SATB2: variants seen among roughly 807,000 people sequenced by gnomAD.
SATB2 encodes the protein DNA-binding protein SATB2.
A neutral mutation model predicts 73.4 loss-of-function variants in SATB2; 1 was observed. The observed-to-expected ratio is 0.01, with a 90% confidence interval of 0.00 to 0.06. The LOEUF (loss-of-function observed/expected upper bound fraction) is 0.06, where lower values mean the gene tolerates loss of function less well. Ranked by LOEUF, SATB2 falls within the 10% of genes least tolerant of loss-of-function variation. The pLI is 1.00. For missense variants in SATB2, 459 were observed against 945.8 expected (o/e 0.49, Z 6.75); for synonymous variants, 397 against 367.0 (o/e 1.08, Z -0.93).
In SATB2 at chr2:199,413,588, T is replaced by C. The variant is rs565707976; in HGVS notation, c.346+19750A>G. Reference sequence around the variant, plus strand: ...CCTACTAGAGAGTCGCTTTTTTTTTTTTTTTTCTGAGCAGCATTGTGTCAA... The same window carrying C: ...CCTACTAGAGAGTCGCTTTTTTTTTCTTTTTTCTGAGCAGCATTGTGTCAA... On this transcript the variant is annotated intron_variant, in intron 3 of 10. Transcript: ENST00000417098. Among the ~76,000 whole-genome samples, 6 of 152,134 alleles carry C rather than the reference T, an allele frequency of 3.9e-5. No homozygotes were observed. In the South Asian group the frequency reaches 1.0e-3, roughly 26 times the overall value.
intron 3 of SATB2, among the ~76,000 whole-genome samples, chr2:199,429,209 G>C (rs1327925498): frequency 6.6e-6 from 1 of 151,846 alleles, no homozygotes; most frequent in African/African-American, 2.4e-5. Flanking sequence ...ATCAAAATTG[G>C]GGAATAAGAC....
chr2:199,326,510 A>G (rs577043580), intron 8 of SATB2, among the ~76,000 whole-genome samples: 1 of 152,198 alleles, frequency 6.6e-6, no homozygotes, highest in South Asian at 2.1e-4. Flanking sequence ...AAAGGTGCCT[A>G]CGATATATAA....
At chr2:199,290,912 T>C (rs1294354455) in intron 10 of SATB2, among the ~76,000 whole-genome samples, 1 of 152,140 alleles carries the variant, frequency 6.6e-6, no homozygotes, top group Non-Finnish European at 1.5e-5. Context: ...AGAATCCATA[T>C]AAGACAAACA....
upstream of SATB2, among the ~76,000 whole-genome samples, chr2:199,467,262 A>G (rs907771296): frequency 7.2e-5 from 11 of 152,246 alleles, no homozygotes; most frequent in African/African-American, 2.7e-4. Flanking sequence ...TTCGGCTTTC[A>G]GGCTGCTGGA....
chr2:199,287,587 G>T (rs1169579780), intron 10 of SATB2, among the ~76,000 whole-genome samples: 1 of 150,596 alleles, frequency 6.6e-6, no homozygotes, highest in African/African-American at 2.4e-5. Flanking sequence ...GGGGTGTGGT[G>T]GGGGGGGAGA....
intron 3 of SATB2, among the ~76,000 whole-genome samples, chr2:199,419,780 A>G (rs1362834496): frequency 2.6e-5 from 4 of 152,234 alleles, no homozygotes; most frequent in Admixed American, 2.0e-4. Context: ...ATGCAATTAT[A>G]TATGAAATTA....
intron 3 of SATB2, among the ~76,000 whole-genome samples, chr2:199,419,008 T>C (rs1474149884): frequency 6.6e-6 from 1 of 152,212 alleles, no homozygotes; most frequent in Non-Finnish European, 1.5e-5. Flanking sequence ...ACAGTGCCAC[T>C]GGTAATCGAC....
At chr2:199,362,567 G>A (rs934938280) in intron 6 of SATB2, among the ~76,000 whole-genome samples, 1 of 151,996 alleles carries the variant, frequency 6.6e-6, no homozygotes, top group Admixed American at 6.6e-5. Flanking sequence ...ATTAATTATG[G>A]CCTGTAGCAG....
At chr2:199,380,203 A>G (rs1209851708) in intron 5 of SATB2, among the ~76,000 whole-genome samples, 161 bp downstream of exon 5, 1 of 152,216 alleles carries the variant, frequency 6.6e-6, no homozygotes, top group South Asian at 2.1e-4. Context: ...TATAACTTCT[A>G]TTCTACAACC....
intron 3 of SATB2, among the ~76,000 whole-genome samples, chr2:199,407,173 A>G (rs1244871603): frequency 6.6e-6 from 1 of 151,078 alleles, no homozygotes; most frequent in African/African-American, 2.4e-5. Context: ...ATACAAAAAA[A>G]TTATCAGGAG....
chr2:199,369,079 C>G (rs1465368320), intron 5 of SATB2: 1 of 197,544 alleles, frequency 5.1e-6, no homozygotes, highest in East Asian at 1.4e-4. Flanking sequence ...CCGCTTCCAA[C>G]TGCAACAAGC....
At chr2:199,432,803 T>C (rs894702519) in intron 3 of SATB2, among the ~76,000 whole-genome samples, 5 of 152,184 alleles carry the variant, frequency 3.3e-5, no homozygotes, top group African/African-American at 1.2e-4. Flanking sequence ...TTTTAATATT[T>C]AATCAAATAA....
intron 6 of SATB2, among the ~76,000 whole-genome samples, chr2:199,364,578 G>A (rs1260356023): frequency 2.0e-5 from 3 of 152,110 alleles, no homozygotes; most frequent in Non-Finnish European, 4.4e-5. Context: ...AAGTGATGGG[G>A]ATAATTTTGC....
chr2:199,421,324 G>GAAAC (rs1465022864), intron 3 of SATB2, among the ~76,000 whole-genome samples: 2 of 152,090 alleles, frequency 1.3e-5, no homozygotes, highest in African/African-American at 4.8e-5. Context: ...AGGTCCCATA[G>GAAAC]AAACAAACAA....
At chr2:199,417,353 G>A (rs906316127) in intron 3 of SATB2, among the ~76,000 whole-genome samples, 12 of 152,102 alleles carry the variant, frequency 7.9e-5, no homozygotes, top group Admixed American at 3.9e-4. Flanking sequence ...ATCCCCAGAG[G>A]AAATCATTTA....
intron 9 of SATB2, among the ~76,000 whole-genome samples, chr2:199,317,011 T>C (rs1321845495): frequency 6.6e-6 from 1 of 151,038 alleles, no homozygotes; most frequent in African/African-American, 2.4e-5. Context: ...CACTGTATAT[T>C]GCAAACTTCC....
chr2:199,397,425 C>T (rs1690333399), intron 3 of SATB2: 1 of 152,272 alleles, frequency 6.6e-6, no homozygotes, highest in Non-Finnish European at 1.5e-5. Context: ...TGAAAAATAA[C>T]TCAACAATAA....
chr2:199,271,065 T>C lies in SATB2; in HGVS notation c.*1146A>G, dbSNP rs1335411376. On this transcript the variant is annotated 3_prime_UTR_variant, in exon 11 of 11. Transcript: ENST00000417098. ...TTTAACTGGGCAGCAACTTCTTTTC[T>C]AACTTAATATTACACTGAACTATTT... 6.6e-6 allele frequency: 1 copy of C among 152,468 alleles called. No individual in the cohort carries two copies. The highest frequency in any genetic ancestry group is 1.5e-5 in the Non-Finnish European group (1 of 68,038). 9.4% of individuals were successfully genotyped at this position (152,468 alleles called of 1,614,324 possible). A position where few individuals can be genotyped will look rare whatever the true frequency, so the allele number is the denominator to read the frequency against.
At chr2:199,436,525 G>A (rs1691658015) in intron 2 of SATB2, among the ~76,000 whole-genome samples, 1 of 151,970 alleles carries the variant, frequency 6.6e-6, no homozygotes, top group East Asian at 1.9e-4. Context: ...TTCTTCTGCA[G>A]AACATATACA....
Sources: gnomAD v4.1 joint callset for allele counts (sites outside exome capture counted in the v4.1 genomes callset) on GRCh38, gnomAD v4.1.1 for gene constraint, MANE v1.5 for transcripts, NCBI Gene and HGNC (gene_info 2026-07-23, HGNC 2026-07-21) for gene names.